The following MAP2K5 variants were observed in gnomAD, a reference collection of about 807,000 sequenced individuals.
MAP2K5 encodes the protein dual specificity mitogen-activated protein kinase kinase 5.
In MAP2K5, 49 loss-of-function variants were observed where a neutral mutation model predicts 83.1. That is an observed-to-expected ratio of 0.59 (90% CI 0.47 to 0.75). The LOEUF is 0.75. Ranked by LOEUF, MAP2K5 falls within the 30% of genes least tolerant of loss-of-function variation. MAP2K5 has a pLI of 0.00. For missense variants in MAP2K5, 457 were observed against 557.5 expected (o/e 0.82, Z 1.82); for synonymous variants, 202 against 191.8 (o/e 1.05, Z -0.44).
At position 67,563,363 on chromosome 15, in the gene MAP2K5, C is replaced by T; in HGVS notation, c.252+13C>T. The stretch of plus-strand genomic sequence containing the variant: ...AATGCTGTCATATGTAAGTATACGA[C>T]AAATGAAGACTATTTTTTAAAATCT... On this transcript the variant is annotated intron_variant, in intron 3 of 21. Transcript: ENST00000178640. This position sits in a 1 kb window ranked among gnomAD's most constrained non-coding sequence, Gnocchi z 4.5. The T allele has an allele frequency of 6.2e-7, 1 of 1,601,578 alleles. No homozygotes were observed. The highest frequency in any genetic ancestry group is 1.1e-5 in the South Asian group (1 of 88,704).
Position 67,563,881 on chromosome 15 carries a change from G to T in MAP2K5, c.252+531G>T, listed in dbSNP as rs191930329. Among the ~76,000 whole-genome samples the T allele has an allele frequency of 4.2e-3, 640 of 152,020 alleles. 8 individuals carry two copies. Among genetic ancestry groups the T allele is most frequent in the African/African-American group, 0.014 (576 of 41,456 alleles). ...AAGTGATCTGAATATATTCTGAAAC[G>T]ACTTTTCTTTTGTGTTTAAAATTTT... On this transcript the variant is annotated intron_variant, in intron 3 of 21. Coordinates refer to ENST00000178640, the MANE Select transcript of MAP2K5 (RefSeq NM_145160.3). This position sits in a 1 kb window ranked among gnomAD's most constrained non-coding sequence, Gnocchi z 4.5.
chr15:67,761,383 G>A (rs547856005), intron 19 of MAP2K5, among the ~76,000 whole-genome samples: 54 of 152,198 alleles, frequency 3.5e-4, no homozygotes, highest in African/African-American at 1.1e-3. Context: ...ACAGTTTCAC[G>A]TATAATTCTC....
intron 8 of MAP2K5, among the ~76,000 whole-genome samples, chr15:67,611,459 T>C (rs1054051274): frequency 6.6e-6 from 1 of 151,938 alleles, no homozygotes; most frequent in Admixed American, 6.6e-5. Context: ...TCCTTTGGAG[T>C]CTCAAGTGAA....
intron 8 of MAP2K5, among the ~76,000 whole-genome samples, chr15:67,602,280 T>C (rs1195023337): frequency 1.3e-5 from 2 of 152,212 alleles, no homozygotes; most frequent in Non-Finnish European, 2.9e-5. Context: ...AGAAGGAACA[T>C]GTATACTCTG....
chr15:67,577,301 TA>T lies in MAP2K5; in HGVS notation c.253-3450del, dbSNP rs2085086765. 6.6e-6 allele frequency among the ~76,000 whole-genome samples: 1 copy of T among 152,168 alleles called. No homozygotes were observed. Among genetic ancestry groups the T allele is most frequent in the Non-Finnish European group, 1.5e-5 (1 of 68,028 alleles). On this transcript the variant is annotated intron_variant, in intron 3 of 21. Coordinates refer to ENST00000178640, the MANE Select transcript of MAP2K5 (RefSeq NM_145160.3). This position sits in a 1 kb window ranked among gnomAD's most constrained non-coding sequence, Gnocchi z 4.1. ...GGAGGAAACTGATGTTTAATAAAGT[TA>T]AATGTCTTCCTGAAGGCTACACAAG...
Position 67,779,384 on chromosome 15 carries a change from T to C in MAP2K5, c.1242+6632T>C, listed in dbSNP as rs74343832. Among the ~76,000 whole-genome samples the C allele has an allele frequency of 6.6e-6, 1 of 152,358 alleles. No individual in the cohort carries two copies. The highest frequency in any genetic ancestry group is 1.9e-4 in the East Asian group (1 of 5,192). ...AAATCAGACAGCTTTAATTTGAATTTTTGATGACACATTAGCACTTCAGCA... is the reference window on the plus strand; with the variant it reads ...AAATCAGACAGCTTTAATTTGAATTCTTGATGACACATTAGCACTTCAGCA... On this transcript the variant is annotated intron_variant, in intron 21 of 21. Transcript: ENST00000178640. This position sits in a 1 kb window ranked among gnomAD's most constrained non-coding sequence, Gnocchi z 4.6.
At chr15:67,631,446 A>G (rs184957765) in intron 9 of MAP2K5, among the ~76,000 whole-genome samples, 36 of 151,922 alleles carry the variant, frequency 2.4e-4, no homozygotes, top group Admixed American at 5.9e-4. Context: ...TGCACCTTTT[A>G]CTCTGCCACA....
intron 12 of MAP2K5, among the ~76,000 whole-genome samples, chr15:67,659,526 G>C (rs951863843): frequency 6.6e-6 from 1 of 151,964 alleles, no homozygotes; most frequent in Admixed American, 6.6e-5. Flanking sequence ...TTTCTTTTCT[G>C]ATGCTATTGC....
intron 13 of MAP2K5, among the ~76,000 whole-genome samples, chr15:67,674,732 T>A (rs1188515503): frequency 2.0e-5 from 3 of 152,008 alleles, no homozygotes; most frequent in Non-Finnish European, 4.4e-5. Context: ...CTAGAATATA[T>A]AAAGAACTCT....
chr15:67,678,708 G>A (rs2087740233), intron 13 of MAP2K5, among the ~76,000 whole-genome samples: 1 of 152,196 alleles, frequency 6.6e-6, no homozygotes, highest in African/African-American at 2.4e-5. Flanking sequence ...GCTCACGCCT[G>A]TAATCCCAAC....
At chr15:67,602,316 G>A (rs2085676525) in intron 8 of MAP2K5, among the ~76,000 whole-genome samples, 1 of 152,208 alleles carries the variant, frequency 6.6e-6, no homozygotes, top group Non-Finnish European at 1.5e-5. Flanking sequence ...GTTCCCTGGA[G>A]GGAGCACTTT....
rs750866735 is a variant in MAP2K5 at position 67,786,503 on chromosome 15, G to A, written c.1242+13751G>A. Among the ~76,000 whole-genome samples, 1 of 152,238 alleles carries A rather than the reference G, an allele frequency of 6.6e-6. No homozygotes were observed. The highest frequency in any genetic ancestry group is 2.4e-5 in the African/African-American group (1 of 41,460). ...AAGAAAGACCTATGTCTCAGGAGCA[G>A]ACTAGACATGCCCATTGGCAACATT... is the stretch of plus-strand genomic sequence containing the variant. On this transcript the variant is annotated intron_variant, in intron 21 of 21. Coordinates refer to ENST00000178640, the MANE Select transcript of MAP2K5 (RefSeq NM_145160.3). The surrounding 1 kb of genome is among the most constrained non-coding windows in gnomAD (Gnocchi z 4.7).
rs552742523 is a variant in MAP2K5, at chr15:67,720,942, G to A, written c.1045-6974G>A. On this transcript the variant is annotated intron_variant, in intron 16 of 21. Transcript: ENST00000178640. The surrounding 1 kb of genome is among the most constrained non-coding windows in gnomAD (Gnocchi z 5.7). ...CCAGGTTGAGACCTCAATGTATCAC[G>A]CTTTTCAGCATTCATGGTTAGGCTA... Among the ~76,000 whole-genome samples the A allele has an allele frequency of 1.3e-5, 2 of 152,272 alleles. No homozygotes were observed. The highest frequency in any genetic ancestry group is 4.1e-4 in the South Asian group (2 of 4,832).
chr15:67,764,575 C>T lies in MAP2K5; in HGVS notation c.1135-5027C>T, dbSNP rs2090007160. 6.6e-6 allele frequency among the ~76,000 whole-genome samples: 1 copy of T among 152,168 alleles called. No homozygotes were observed. On this transcript the variant is annotated intron_variant, in intron 19 of 21. Transcript: ENST00000178640. This position sits in a 1 kb window ranked among gnomAD's most constrained non-coding sequence, Gnocchi z 4.9. ...TATCCCTCTGAACAATACACAAATT[C>T]TTTGAGGATATGGATTAAGTATCAG...
At chr15:67,805,667 G>T (rs996107372) in intron 21 of MAP2K5, among the ~76,000 whole-genome samples, 1 of 152,170 alleles carries the variant, frequency 6.6e-6, no homozygotes, top group Non-Finnish European at 1.5e-5. Flanking sequence ...GGCACATGGC[G>T]CCCTCATCTC....
rs1467582019 is a variant in MAP2K5, at chr15:67,543,301, C to T, written c.-35C>T. ...CTCCTAACCAGCGGCCAGTGGGTTT[C>T]CCATACCCCAGGATGTGAGCCTCTT... On this transcript the variant is annotated 5_prime_UTR_variant, in exon 1 of 22. Coordinates refer to ENST00000178640, the MANE Select transcript of MAP2K5 (RefSeq NM_145160.3). This position sits in a 1 kb window ranked among gnomAD's most constrained non-coding sequence, Gnocchi z 4.3. 2 of 1,613,038 alleles carry T rather than the reference C, an allele frequency of 1.2e-6. No homozygotes were observed. The highest frequency in any genetic ancestry group is 2.7e-5 in the African/African-American group (2 of 74,916).
chr15:67,753,965 T>C (rs1315682519), intron 19 of MAP2K5, among the ~76,000 whole-genome samples: 5 of 152,230 alleles, frequency 3.3e-5, no homozygotes, highest in Non-Finnish European at 5.9e-5. Context: ...GAAGTTCACA[T>C]TGGACTATAA....
At chr15:67,592,118 CA>C (rs71142384) in intron 6 of MAP2K5, among the ~76,000 whole-genome samples, 4 of 117,990 alleles carry the variant, frequency 3.4e-5, no homozygotes, top group African/African-American at 9.6e-5. Context: ...AACTATGTCT[CA>C]AAAAAAAAAA....
rs1380178931 is a variant in MAP2K5 at position 67,746,394 on chromosome 15, C to T, written c.1075-1837C>T. Among the ~76,000 whole-genome samples, 3 of 151,372 alleles carry T rather than the reference C, an allele frequency of 2.0e-5. No homozygotes were observed. Among genetic ancestry groups the T allele is most frequent in the South Asian group, 2.1e-4 (1 of 4,786 alleles). On this transcript the variant is annotated intron_variant, in intron 17 of 21. Transcript: ENST00000178640. The surrounding 1 kb of genome is among the most constrained non-coding windows in gnomAD (Gnocchi z 4.1). ...ATTCTTTATTCATTACAAATAACTC[C>T]GTTGTTGAAGCAGATATATCTTACT...
Sources: gnomAD v4.1 joint callset for allele counts (sites outside exome capture counted in the v4.1 genomes callset) on GRCh38, gnomAD v4.1.1 for gene constraint, Gnocchi (gnomAD v3.1) non-coding constraint, MANE v1.5 for transcripts, NCBI Gene and HGNC (gene_info 2026-07-23, HGNC 2026-07-21) for gene names.